Variants in TRIO observed in about 807,000 individuals in gnomAD.
TRIO encodes triple functional domain protein.
Under a neutral mutation model 351.9 loss-of-function variants are expected in TRIO, and 58 were observed. The ratio of observed to expected loss-of-function variants is 0.16; its 90% CI spans 0.13 to 0.21. TRIO has a LOEUF of 0.21. TRIO is among the 10% of genes least tolerant of loss of function. TRIO has a pLI of 1.00. For synonymous variants in TRIO, 1,758 were observed against 1,595.7 expected (o/e 1.10, Z -2.42); for missense variants, 3,201 against 4,027.8 (o/e 0.79, Z 5.56).
chr5:14,181,194 T>C (rs1789745769), intron 1 of TRIO, among the ~76,000 whole-genome samples: 2 of 152,228 alleles, frequency 1.3e-5, no homozygotes, highest in Non-Finnish European at 2.9e-5. Flanking sequence ...ACATCTTATT[T>C]AAGGGATATA....
chr5:14,153,124 A>G (rs1310189970), intron 1 of TRIO, among the ~76,000 whole-genome samples: 1 of 152,232 alleles, frequency 6.6e-6, no homozygotes, highest in Non-Finnish European at 1.5e-5. Context: ...AAGGCATGCA[A>G]GATTGAGGTG....
rs544574539 is a variant in TRIO at position 14,164,871 on chromosome 5, C to T, written c.157+20989C>T. Among the ~76,000 whole-genome samples, 30 of 152,306 alleles carry T rather than the reference C, an allele frequency of 2.0e-4. 1 individual carries two copies. The South Asian group carries it at 4.8e-3, about 24-fold the overall frequency. On this transcript the variant is annotated intron_variant, in intron 1 of 56. Transcript: ENST00000344204. Reference sequence around the variant, plus strand: ...GGCCCCATGCCCTAAGTGTTGCTGTCATTTTGCCTGTTTAGTTACTTTACA... The same window carrying T: ...GGCCCCATGCCCTAAGTGTTGCTGTTATTTTGCCTGTTTAGTTACTTTACA...
intron 1 of TRIO, among the ~76,000 whole-genome samples, chr5:14,217,239 G>A (rs1388015935): frequency 2.0e-5 from 3 of 152,176 alleles, no homozygotes; most frequent in Non-Finnish European, 4.4e-5. Flanking sequence ...TGTACAGAAT[G>A]TGGTCATTAT....
At chr5:14,347,574 G>C (rs1437229243) in intron 11 of TRIO, among the ~76,000 whole-genome samples, 1 of 152,256 alleles carries the variant, frequency 6.6e-6, no homozygotes, top group East Asian at 1.9e-4. Flanking sequence ...ACTTTGCTGT[G>C]TTAAGCGCTA....
rs768647307 is a variant in TRIO at position 14,504,596 on chromosome 5, G to A, written c.8612+3G>A. ...AGCTACATCCTGGTCTTAGAAATGT[G>A]CGTACACACCTGGCCTTCCCTCTGC... is the stretch of plus-strand genomic sequence containing the variant. On this transcript the variant is annotated splice_donor_region_variant and intron_variant, in intron 55 of 56. Coordinates refer to ENST00000344204, the MANE Select transcript of TRIO (RefSeq NM_007118.4). 16 of 1,613,992 alleles carry A rather than the reference G, an allele frequency of 9.9e-6. No individual in the cohort carries two copies. Among genetic ancestry groups the A allele is most frequent in the Middle Eastern group, 1.7e-4 (1 of 6,028 alleles).
chr5:14,146,683 G>C (rs1787542460), intron 1 of TRIO, among the ~76,000 whole-genome samples: 1 of 152,248 alleles, frequency 6.6e-6, no homozygotes, highest in Admixed American at 6.5e-5. Flanking sequence ...TCAGGGGACA[G>C]GACTGCTGCC....
intron 1 of TRIO, among the ~76,000 whole-genome samples, chr5:14,194,142 C>T (rs571166707): frequency 4.6e-5 from 7 of 152,252 alleles, no homozygotes; most frequent in East Asian, 1.9e-4. Flanking sequence ...ACCCATTACT[C>T]GGTACCTGTC....
At chr5:14,426,811 G>A (rs546883176) in intron 34 of TRIO, among the ~76,000 whole-genome samples, 1 of 152,284 alleles carries the variant, frequency 6.6e-6, no homozygotes, top group African/African-American at 2.4e-5. Flanking sequence ...CAGCACAGAC[G>A]GTCATGGGGA....
chr5:14,372,255 A>T (rs1745184098), intron 18 of TRIO, among the ~76,000 whole-genome samples: 1 of 142,506 alleles, frequency 7.0e-6, no homozygotes, highest in Admixed American at 6.9e-5. Flanking sequence ...CGGGGGTGTG[A>T]GAGAGAGAGA....
At chr5:14,488,714 A>T in intron 48 of TRIO, 1 of 569,168 alleles carries the variant, frequency 1.8e-6, no homozygotes, top group African/African-American at 1.9e-5. Context: ...TTTTTGACTC[A>T]TCTGCTGGGG....
intron 34 of TRIO, among the ~76,000 whole-genome samples, chr5:14,457,912 C>A (rs776912737): frequency 6.6e-6 from 1 of 152,188 alleles, no homozygotes; most frequent in Admixed American, 6.5e-5. Context: ...TTCTAACTTA[C>A]AGGCCCAAAA....
chr5:14,348,519 A>T (rs1742650563), intron 11 of TRIO, among the ~76,000 whole-genome samples: 1 of 152,142 alleles, frequency 6.6e-6, no homozygotes, highest in Admixed American at 6.5e-5. Context: ...GCACGTGAGG[A>T]TGTGTTTTTC....
chr5:14,147,523 G>A (rs1023355726), intron 1 of TRIO, among the ~76,000 whole-genome samples: 4 of 152,162 alleles, frequency 2.6e-5, no homozygotes, highest in South Asian at 2.1e-4. Flanking sequence ...TTAGGTTGGC[G>A]TTAAATGAAT....
At chr5:14,296,739 C>G (rs765774081) in intron 6 of TRIO, among the ~76,000 whole-genome samples, 76 of 152,142 alleles carry the variant, frequency 5.0e-4, no homozygotes, top group Non-Finnish European at 9.8e-4. Context: ...GCCATCTGGA[C>G]CCTGTTCAGT....
chr5:14,462,658 C>T (rs541357445), intron 35 of TRIO, 97 bp from the exon 36 acceptor site: 11 of 1,503,416 alleles, frequency 7.3e-6, no homozygotes, highest in Non-Finnish European at 9.9e-6. Context: ...TTTCTGCCAT[C>T]CCAGTCTCTG....
In TRIO at chr5:14,143,343, T is replaced by C. The variant is rs1254316548; in HGVS notation, c.-383T>C. ...CCCCTCCCCCCTCCTTCCTTCCCCA[T>C]TGAAATCAAGATGGAGGCTCGCGGC... is the stretch of plus-strand genomic sequence containing the variant. On this transcript the variant is annotated 5_prime_UTR_variant, in exon 1 of 57. Transcript: ENST00000344204. 6.6e-6 allele frequency among the ~76,000 whole-genome samples: 1 copy of C among 150,640 alleles called. No homozygotes were observed. Among genetic ancestry groups the C allele is most frequent in the African/African-American group, 2.4e-5 (1 of 41,170 alleles).
chr5:14,415,365 G>A (rs139555279), intron 33 of TRIO, among the ~76,000 whole-genome samples: 5 of 152,228 alleles, frequency 3.3e-5, no homozygotes, highest in Non-Finnish European at 5.9e-5. Flanking sequence ...AGAACTCATC[G>A]CAGAGCTTGG....
intron 1 of TRIO, among the ~76,000 whole-genome samples, chr5:14,163,182 C>T (rs1293951321): frequency 6.6e-6 from 1 of 152,232 alleles, no homozygotes; most frequent in Admixed American, 6.5e-5. Context: ...CATCCCTGGA[C>T]AGGCCCTGGT....
chr5:14,393,361 C>G lies in TRIO; in HGVS notation c.4219-677C>G, dbSNP rs59559063. ...CACCTGTGTAAGAAACCTGCACATT[C>G]TGCACATGTATCCCAGAACTTAAAA... On this transcript the variant is annotated intron_variant, in intron 27 of 56. Transcript: ENST00000344204. Among the ~76,000 whole-genome samples the G allele has an allele frequency of 8.5e-3, 1,299 of 152,272 alleles. 17 individuals are homozygous for G. The highest frequency in any genetic ancestry group is 0.03 in the African/African-American group (1,236 of 41,548).
Sources: allele counts gnomAD v4.1 joint callset (sites outside exome capture counted in the v4.1 genomes callset), GRCh38; gene constraint gnomAD v4.1.1; transcripts MANE v1.5; gene names NCBI Gene and HGNC (gene_info 2026-07-23, HGNC 2026-07-21).